Variants in INSL6 observed in about 807,000 individuals in gnomAD.
INSL6 encodes insulin-like peptide INSL6.
In INSL6, 16 loss-of-function variants were observed where a neutral mutation model predicts 9.4. The observed-to-expected ratio is 1.70, with a 90% CI of 1.15 to 2.59. The LOEUF is 2.59. Among genes scored for constraint, INSL6 ranks in the 30% most tolerant of loss-of-function variants. The pLI, the probability that INSL6 is intolerant of heterozygous loss-of-function variation, is 0.00. For synonymous variants in INSL6, 154 were observed against 96.9 expected (o/e 1.59, Z -3.46); for missense variants, 391 against 257.3 (o/e 1.52, Z -3.56).
chr9:5,159,477 G>A (rs1447691818), downstream of INSL6, among the ~76,000 whole-genome samples: 3 of 151,824 alleles, frequency 2.0e-5, no homozygotes, highest in South Asian at 6.2e-4. Context: ...CATGCCAATG[G>A]AAACCAAAAA....
chr9:5,067,686 G>A, the INSL6 span, among the ~76,000 whole-genome samples: 1 of 151,910 alleles, frequency 6.6e-6, no homozygotes, highest in African/African-American at 2.4e-5. Flanking sequence ...TTCACTGTAT[G>A]TGCCAAGCCT....
the INSL6 span, among the ~76,000 whole-genome samples, chr9:5,093,214 C>G: frequency 6.6e-6 from 1 of 152,062 alleles, no homozygotes; most frequent in African/African-American, 2.4e-5. Context: ...ACTGTTAATC[C>G]AACACAGGCA....
intron 2 of INSL6, among the ~76,000 whole-genome samples, chr9:5,154,701 G>A (rs1824781889): frequency 6.6e-6 from 1 of 152,176 alleles, no homozygotes; most frequent in African/African-American, 2.4e-5. Flanking sequence ...AGACATTTAT[G>A]CAGCCAAAAG....
chr9:5,161,361 AT>A (rs1174463904), downstream of INSL6, among the ~76,000 whole-genome samples: 17 of 152,226 alleles, frequency 1.1e-4, no homozygotes, highest in African/African-American at 4.1e-4. Flanking sequence ...CTCAAAAAGC[AT>A]TTGATAAAAA....
the INSL6 span, among the ~76,000 whole-genome samples, chr9:5,002,369 C>T: frequency 6.6e-6 from 1 of 151,842 alleles, no homozygotes; most frequent in Non-Finnish European, 1.5e-5. Flanking sequence ...TTTCTGATTT[C>T]CCTTTTAATT....
At chr9:5,181,637 G>A (rs1248859884) in intron 1 of INSL6, among the ~76,000 whole-genome samples, 1 of 152,168 alleles carries the variant, frequency 6.6e-6, no homozygotes, top group Non-Finnish European at 1.5e-5. Context: ...AAGGCTTTCT[G>A]TCAAGCAACA....
chr9:5,045,704 T>C, the INSL6 span, among the ~76,000 whole-genome samples: 1 of 152,246 alleles, frequency 6.6e-6, no homozygotes. Flanking sequence ...TCACTTAGCA[T>C]AATGTCTGTC....
At chr9:5,144,896 C>G (rs945151671) in intron 2 of INSL6, among the ~76,000 whole-genome samples, 3 of 152,182 alleles carry the variant, frequency 2.0e-5, no homozygotes, top group Admixed American at 6.5e-5. Context: ...AGATAGCATA[C>G]CAATGGGTCT....
chr9:5,061,477 C>T, the INSL6 span, among the ~76,000 whole-genome samples: 1 of 152,224 alleles, frequency 6.6e-6, no homozygotes, highest in Non-Finnish European at 1.5e-5. Context: ...TTATGCTGTG[C>T]ACATGGCTTC....
chr9:5,005,083 ATTTTTTTTTTTTTTTTTTTTTT>A, the INSL6 span, among the ~76,000 whole-genome samples: 359 of 40,020 alleles, frequency 9.0e-3, 6 homozygotes, highest in African/African-American at 0.031. Flanking sequence ...TGCCTGGCTA[ATTTTTTTTTTTTTTTTTTTTTT>A]TTTTTTTTTT....
At chr9:5,124,336 A>G (rs1202781712) in exon 4 of INSL6, among the ~76,000 whole-genome samples, 1 of 151,262 alleles carries the variant, frequency 6.6e-6, no homozygotes, top group Non-Finnish European at 1.5e-5. Context: ...GTATTTTTCT[A>G]GTTTCAGATC....
chr9:5,056,747 A>C, the INSL6 span, among the ~76,000 whole-genome samples: 1 of 152,204 alleles, frequency 6.6e-6, no homozygotes, highest in Non-Finnish European at 1.5e-5. Flanking sequence ...GTGGATATAT[A>C]ATAAATGTTT....
At chr9:5,089,310 G>T in the INSL6 span, among the ~76,000 whole-genome samples, 991 of 152,116 alleles carry the variant, frequency 6.5e-3, 6 homozygotes, top group African/African-American at 0.022. Flanking sequence ...AGGCCGAGTT[G>T]GGTGGATCAC....
the INSL6 span, chr9:5,081,889 A>G: frequency 6.4e-7 from 1 of 1,569,022 alleles, no homozygotes; most frequent in Non-Finnish European, 8.7e-7. Flanking sequence ...TTTCAAATAG[A>G]GTATAATCAT....
downstream of INSL6, among the ~76,000 whole-genome samples, chr9:5,123,738 T>C (rs1305734652): frequency 6.6e-6 from 1 of 151,932 alleles, no homozygotes; most frequent in Non-Finnish European, 1.5e-5. Flanking sequence ...ATGTTTTCCA[T>C]AGAGGTTGTA....
the INSL6 span, among the ~76,000 whole-genome samples, chr9:5,023,911 GATTTTTTAGCTTGTAAGAT>G: frequency 1.2e-4 from 18 of 150,940 alleles, no homozygotes; most frequent in Non-Finnish European, 1.5e-5. Context: ...TAGCTTTTAA[GATTTTTTAGCTTGTAAGAT>G]ATTTTTTAGC....
chr9:5,090,307 A>AG, the INSL6 span: 1 of 518,196 alleles, frequency 1.9e-6, no homozygotes, highest in Non-Finnish European at 3.1e-6. Context: ...CTTAACAACT[A>AG]TATCACCTTT....
chr9:5,007,885 G>C, the INSL6 span, among the ~76,000 whole-genome samples: 1 of 151,850 alleles, frequency 6.6e-6, no homozygotes, highest in African/African-American at 2.4e-5. Flanking sequence ...GTGCCACCAC[G>C]CCTGGCTAAT....
chr9:5,052,142 TTATAAA>T, the INSL6 span, among the ~76,000 whole-genome samples: 1 of 152,102 alleles, frequency 6.6e-6, no homozygotes, highest in Non-Finnish European at 1.5e-5. Flanking sequence ...AAGATGAATG[TTATAAA>T]TATGAAGCCA....
Sources: allele counts gnomAD v4.1 joint callset (sites outside exome capture counted in the v4.1 genomes callset), GRCh38; gene constraint gnomAD v4.1.1; transcripts MANE v1.5; gene names NCBI Gene and HGNC (gene_info 2026-07-23, HGNC 2026-07-21).